Variants in IKBKE observed in about 807,000 individuals in gnomAD.
IKBKE encodes the protein inhibitor of nuclear factor kappa-B kinase subunit epsilon.
In IKBKE, 45 loss-of-function variants were observed where a neutral mutation model predicts 92.1. The ratio of observed to expected loss-of-function variants is 0.49; its 90% CI spans 0.38 to 0.63. The LOEUF is 0.63. Ranked by LOEUF, IKBKE falls within the 20% of genes least tolerant of loss-of-function variation. The pLI, the probability that IKBKE is intolerant of heterozygous loss-of-function variation, is 0.00. For missense variants in IKBKE, 700 were observed against 932.8 expected, an observed-to-expected ratio of 0.75 and a Z score of 3.25; for synonymous variants, 374 against 380.3, an observed-to-expected ratio of 0.98 and a Z score of 0.19.
intron 17 of IKBKE, chr1:206,491,410 C>T (rs1665947953): frequency 6.6e-6 from 3 of 455,084 alleles, no homozygotes; most frequent in Middle Eastern, 6.3e-4. Context: ...TCCCTGAGGA[C>T]CCCCTGTGTG....
intron 13 of IKBKE, 107 bp downstream of exon 13, chr1:206,480,640 T>G (rs1665331667): frequency 1.2e-6 from 1 of 810,296 alleles, no homozygotes; most frequent in South Asian, 1.5e-5. Context: ...CCAGGGCTAC[T>G]GCCTTCCCTG....
rs782757583 is a variant in IKBKE at position 206,473,281 on chromosome 1, G to A, written c.54G>A (p.Gly18=). The change falls in exon 3 of 22, where the codon GGG becomes GGA. Residue 18 remains glycine (G), a synonymous_variant. Transcript: ENST00000581977. The part of the protein sequence containing the change: ...LWHTDDLLGQ[G]ATASVYKARN... ...ACACAGATGACCTGCTGGGGCAGGG[G>A]GCCACTGCCAGTGTGTACAAGGCCC... 1 of 1,613,002 alleles carries A rather than the reference G, an allele frequency of 6.2e-7. No homozygotes were observed. Among genetic ancestry groups the A allele is most frequent in the Non-Finnish European group, 8.5e-7 (1 of 1,179,618 alleles).
At position 206,493,834 on chromosome 1, in the gene IKBKE, G is replaced by A. The variant is rs182013591; in HGVS notation, c.2046-86G>A. On this transcript the variant is annotated intron_variant, in intron 20 of 21. Coordinates refer to ENST00000581977, the MANE Select transcript of IKBKE (RefSeq NM_014002.4). ...ATAAAGAGGCTTCTTTGGTGGGGCT[G>A]CAGAGGAGGGTGGGCCTCCCAGGAA... The A allele has an allele frequency of 6.4e-5, 61 of 955,678 alleles. No homozygotes were observed. In the African/African-American group the frequency reaches 6.8e-4, roughly 11 times the overall value. 59.2% of individuals were successfully genotyped at this position (955,678 alleles called of 1,614,324 possible). A position where few individuals can be genotyped will look rare whatever the true frequency, so the allele number is the denominator to read the frequency against.
Position 206,487,964 on chromosome 1 carries a change from AG to A in IKBKE, c.1668del (p.Gln556HisfsTer7). The A allele has an allele frequency of 6.2e-7, 1 of 1,613,812 alleles. No individual in the cohort carries two copies. Among genetic ancestry groups the A allele is most frequent in the African/African-American group, 1.3e-5 (1 of 75,074 alleles). ...CLDKMNFIYK[Q>X]FKKSRMRPGL... ...GACAAGATGAACTTCATCTACAAAC[AG>A]TTCAAGAAGTCTAGGATGAGGCCAG... On this transcript the variant is annotated frameshift_variant, in exon 16 of 22. Transcript: ENST00000581977. LOFTEE classifies it high-confidence loss of function. The surrounding 1 kb of genome is among the most constrained non-coding windows in gnomAD (Gnocchi z 5.3).
In IKBKE at chr1:206,487,741, C is replaced by A. The variant is rs995650582; in HGVS notation, c.1617-173C>A. Among the ~76,000 whole-genome samples the A allele has an allele frequency of 3.3e-5, 5 of 152,122 alleles. No individual in the cohort carries two copies. Among genetic ancestry groups the A allele is most frequent in the African/African-American group, 1.2e-4 (5 of 41,426 alleles). On this transcript the variant is annotated intron_variant, in intron 15 of 21. Coordinates refer to ENST00000581977, the MANE Select transcript of IKBKE (RefSeq NM_014002.4). This position sits in a 1 kb window ranked among gnomAD's most constrained non-coding sequence, Gnocchi z 5.3. The stretch of plus-strand genomic sequence containing the variant: ...AACGAGAGACGGCTGGCTGACTGTA[C>A]GGGGTCTCAAATAAGCCTAGAGACG...
In IKBKE at chr1:206,487,094, G is replaced by A. The variant is rs1337764507; in HGVS notation, c.1617-820G>A. ...TGTTCCTGGCGGGGCAGGCTCCTTCGGCTGGCAGAGCCCTGGAACAAGCCT... is the reference window on the plus strand; with the variant it reads ...TGTTCCTGGCGGGGCAGGCTCCTTCAGCTGGCAGAGCCCTGGAACAAGCCT... On this transcript the variant is annotated intron_variant, in intron 15 of 21. Transcript: ENST00000581977. This position sits in a 1 kb window ranked among gnomAD's most constrained non-coding sequence, Gnocchi z 5.3. Among the ~76,000 whole-genome samples the A allele has an allele frequency of 1.3e-5, 2 of 152,194 alleles. No homozygotes were observed. Among genetic ancestry groups the A allele is most frequent in the Non-Finnish European group, 1.5e-5 (1 of 68,034 alleles).
intron 21 of IKBKE, among the ~76,000 whole-genome samples, chr1:206,495,087 T>C (rs1666161370): frequency 6.6e-6 from 1 of 151,884 alleles, no homozygotes; most frequent in Non-Finnish European, 1.5e-5. Context: ...GGATGGTCCT[T>C]GCTTGCCCTG....
chr1:206,493,555 A>C (rs1449236356), intron 20 of IKBKE, among the ~76,000 whole-genome samples, 177 bp downstream of exon 20: 1 of 152,222 alleles, frequency 6.6e-6, no homozygotes, highest in African/African-American at 2.4e-5. Context: ...TGAGAGGCCA[A>C]GGTGAGCGGA....
intron 5 of IKBKE, among the ~76,000 whole-genome samples, chr1:206,475,540 G>T (rs1178113705): frequency 6.6e-6 from 1 of 152,176 alleles, no homozygotes; most frequent in Non-Finnish European, 1.5e-5. Flanking sequence ...TTTGAGACCA[G>T]TCTGGCGAAC....
chr1:206,485,430 G>T lies in IKBKE; in HGVS notation c.1616+124G>T. ...CCTTTCTCTTGGCAAGGGTGCTAGG[G>T]CATGGGGGAGTAGAGGGAGATCCAG... On this transcript the variant is annotated intron_variant, in intron 15 of 21. Coordinates refer to ENST00000581977, the MANE Select transcript of IKBKE (RefSeq NM_014002.4). The surrounding 1 kb of genome is among the most constrained non-coding windows in gnomAD (Gnocchi z 5.0). 1 of 650,618 alleles carries T rather than the reference G, an allele frequency of 1.5e-6. No homozygotes were observed. Among genetic ancestry groups the T allele is most frequent in the South Asian group, 1.8e-5 (1 of 56,300 alleles). 40.3% of individuals were successfully genotyped at this position (650,618 alleles called of 1,614,324 possible). A position where few individuals can be genotyped will look rare whatever the true frequency, so the allele number is the denominator to read the frequency against.
chr1:206,484,588 A>T (rs1553388097), intron 13 of IKBKE, among the ~76,000 whole-genome samples: 1 of 152,218 alleles, frequency 6.6e-6, no homozygotes, highest in African/African-American at 2.4e-5. Flanking sequence ...ATTGCCTAGT[A>T]GTCTACAAAA....
intron 18 of IKBKE, chr1:206,492,325 G>C: frequency 2.5e-6 from 1 of 405,894 alleles, no homozygotes; most frequent in Non-Finnish European, 5.1e-6. Flanking sequence ...TGTGAACACT[G>C]GCCCCTCCTG....
intron 15 of IKBKE, among the ~76,000 whole-genome samples, chr1:206,486,288 G>T (rs11118134): frequency 1.3e-5 from 2 of 150,862 alleles, no homozygotes; most frequent in African/African-American, 4.8e-5. Flanking sequence ...ATTTGGCCCC[G>T]TCCTTTTGGA....
rs1553385364 is a variant in IKBKE at position 206,476,401 on chromosome 1, G to A, written c.540+39G>A. ...TCGAGACCCGCTGCCCTATGCTGAGGGCTCCCCTTGCCTTGTGAGCCCCCC... is the reference window on the plus strand; with the variant it reads ...TCGAGACCCGCTGCCCTATGCTGAGAGCTCCCCTTGCCTTGTGAGCCCCCC... On this transcript the variant is annotated intron_variant, in intron 6 of 21. Coordinates refer to ENST00000581977, the MANE Select transcript of IKBKE (RefSeq NM_014002.4). The surrounding 1 kb of genome is among the most constrained non-coding windows in gnomAD (Gnocchi z 5.1). The A allele has an allele frequency of 2.6e-6, 4 of 1,567,266 alleles. No homozygotes were observed. Among genetic ancestry groups the A allele is most frequent in the Non-Finnish European group, 3.5e-6 (4 of 1,151,678 alleles).
rs1665906103 is a variant in IKBKE, at chr1:206,490,770, T to G, written c.1694-49T>G. 1.9e-6 allele frequency: 3 copies of G among 1,592,204 alleles called. No individual in the cohort carries two copies. Among genetic ancestry groups the G allele is most frequent in the African/African-American group, 1.3e-5 (1 of 74,606 alleles). On this transcript the variant is annotated intron_variant, in intron 16 of 21. Transcript: ENST00000581977. The surrounding 1 kb of genome is among the most constrained non-coding windows in gnomAD (Gnocchi z 5.2). ...TCTCTCGACCTTTGCTGCACACTGT[T>G]TCGTTGACTGATTGAATAGGTGACA...
intron 10 of IKBKE, 69 bp from the exon 11 acceptor site, chr1:206,479,801 G>A (rs1024228392): frequency 1.3e-6 from 2 of 1,510,084 alleles, no homozygotes; most frequent in Non-Finnish European, 1.8e-6. Flanking sequence ...GTGTGAGCTG[G>A]AAATAATGAA....
chr1:206,477,031 ATGG>A (rs1665105705), intron 7 of IKBKE, among the ~76,000 whole-genome samples, 193 bp downstream of exon 7: 2 of 152,286 alleles, frequency 1.3e-5, no homozygotes, highest in Admixed American at 6.5e-5. Context: ...CCCAGGGCTG[ATGG>A]GAGTCTGTGA....
chr1:206,482,317 T>C (rs1665444660), intron 13 of IKBKE, among the ~76,000 whole-genome samples: 1 of 152,166 alleles, frequency 6.6e-6, no homozygotes, highest in Non-Finnish European at 1.5e-5. Context: ...AGAGAGAGGT[T>C]GGACCCCAAT....
chr1:206,496,536 C>G lies in IKBKE; in HGVS notation c.*391C>G, dbSNP rs561848699. The G allele has an allele frequency of 5.0e-4, 139 of 277,584 alleles. 1 individual carries two copies. The highest frequency in any genetic ancestry group is 1.0e-3 in the Middle Eastern group (1 of 974). The allele number at this position is 277,584 out of a possible 1,614,324, so 17.2% of individuals were successfully genotyped here. On this transcript the variant is annotated 3_prime_UTR_variant, in exon 22 of 22. Coordinates refer to ENST00000581977, the MANE Select transcript of IKBKE (RefSeq NM_014002.4). ...CCCTAGCCAACAGGAGAGGAGGCCT[C>G]CTGGGGTTTCCCCAGGGCAGTAGGT...
Sources: gnomAD v4.1 joint callset for allele counts (sites outside exome capture counted in the v4.1 genomes callset) on GRCh38, gnomAD v4.1.1 for gene constraint, Gnocchi (gnomAD v3.1) non-coding constraint, MANE v1.5 for transcripts, NCBI Gene and HGNC (gene_info 2026-07-23, HGNC 2026-07-21) for gene names.